The following HYDIN variants were observed in gnomAD, a reference collection of about 807,000 sequenced individuals.
The protein encoded by HYDIN is axonemal central pair apparatus protein HYDIN.
Under a neutral mutation model 403.9 loss-of-function variants are expected in HYDIN, and 132 were observed. The ratio of observed to expected loss-of-function variants is 0.33; its 90% CI spans 0.28 to 0.38. The LOEUF (loss-of-function observed/expected upper bound fraction) is 0.38, where lower values mean the gene tolerates loss of function less well. Ranked by LOEUF, HYDIN falls within the 10% of genes least tolerant of loss-of-function variation. The probability of loss-of-function intolerance (pLI) is 1.00; values close to 1 mark genes in which losing one functional copy is unlikely to be tolerated. For synonymous variants in HYDIN, 1,202 were observed against 1,891.7 expected, an observed-to-expected ratio of 0.64 and a Z score of 9.46; for missense variants, 2,827 against 5,009.5, an observed-to-expected ratio of 0.56 and a Z score of 13.15.
chr16:70,850,253 C>G lies in HYDIN; in HGVS notation c.12651+195G>C, dbSNP rs191744131. Among the ~76,000 whole-genome samples the G allele has an allele frequency of 4.5e-3, 648 of 144,594 alleles. 8 individuals are homozygous for G. Among genetic ancestry groups the G allele is most frequent in the Middle Eastern group, 0.031 (9 of 288 alleles). 94.9% of individuals were successfully genotyped at this position (144,594 alleles called of 152,430 possible). On this transcript the variant is annotated intron_variant, in intron 74 of 85. Transcript: ENST00000393567. ...TCTCCCCACCATCTCTCCACCCCCC[C>G]CTGAAAATAAAATAAGAAAAGCATT...
rs892216663 is a variant in HYDIN at position 71,092,459 on chromosome 16, C to T, written c.1446+1358G>A. Among the ~76,000 whole-genome samples, 82 of 152,060 alleles carry T rather than the reference C, an allele frequency of 5.4e-4. No homozygotes were observed. In the East Asian group the frequency reaches 0.014, roughly 27 times the overall value. ...TATGTATTTTTGTATTTGTTTGTTA[C>T]AATATCTAGCACTACCTTAACTTCT... On this transcript the variant is annotated intron_variant, in intron 11 of 85. Coordinates refer to ENST00000393567, the MANE Select transcript of HYDIN (RefSeq NM_001270974.2).
Position 70,941,729 on chromosome 16 carries a change from C to G in HYDIN, c.6760G>C (p.Ala2254Pro). 1 of 1,594,410 alleles carries G rather than the reference C, an allele frequency of 6.3e-7. No individual in the cohort carries two copies. Among genetic ancestry groups the G allele is most frequent in the Non-Finnish European group, 8.5e-7 (1 of 1,171,430 alleles). ...AAAALLCLLK[A>P]IGSREHIYIL... ...TATATATGCTCCCGGCTGCCAATGG[C>G]CTTCAGCAGGCAGAGGAGGGCGGCT... is the stretch of plus-strand genomic sequence containing the variant. Residue 2254 changes from alanine (A) to proline (P), a missense_variant, in exon 43 of 86, where the codon GCC (alanine) becomes CCC (proline). Transcript: ENST00000393567.
intron 59 of HYDIN, 38 bp from the exon 60 acceptor site, chr16:70,882,933 T>C (rs1173952803): frequency 2.0e-6 from 3 of 1,483,130 alleles, no homozygotes; most frequent in East Asian, 4.5e-5. Context: ...TGCTGCCTGA[T>C]TGCTGGATTC....
At chr16:71,047,366 A>T (rs955909904) in intron 18 of HYDIN, among the ~76,000 whole-genome samples, 1 of 152,094 alleles carries the variant, frequency 6.6e-6, no homozygotes, top group African/African-American at 2.4e-5. Context: ...GTTTATAATC[A>T]ATATAAACTG....
chr16:71,141,867 G>A (rs1042651224), intron 7 of HYDIN, among the ~76,000 whole-genome samples: 1 of 152,100 alleles, frequency 6.6e-6, no homozygotes, highest in East Asian at 1.9e-4. Context: ...GTACGAAGCT[G>A]CTCAATGCAA....
intron 53 of HYDIN, among the ~76,000 whole-genome samples, chr16:70,897,515 C>G (rs999330504): frequency 2.0e-5 from 3 of 151,012 alleles, no homozygotes; most frequent in African/African-American, 7.4e-5. Flanking sequence ...TGCTTGCCCT[C>G]TGACAGATGA....
At chr16:70,825,610 A>G (rs1460386885) in intron 83 of HYDIN, among the ~76,000 whole-genome samples, 1 of 138,288 alleles carries the variant, frequency 7.2e-6, no homozygotes, top group East Asian at 2.0e-4. Flanking sequence ...GGTTTGTAGT[A>G]TATTCACAAG....
At chr16:70,996,382 G>C (rs959531596) in intron 23 of HYDIN, among the ~76,000 whole-genome samples, 39 of 152,314 alleles carry the variant, frequency 2.6e-4, no homozygotes, top group Middle Eastern at 3.4e-3. Context: ...AGCCACAGGA[G>C]TGGCTGTGCT....
intron 23 of HYDIN, among the ~76,000 whole-genome samples, chr16:71,016,871 G>A (rs2080276189): frequency 6.6e-6 from 1 of 152,120 alleles, no homozygotes; most frequent in Non-Finnish European, 1.5e-5. Context: ...CCAGTCACGG[G>A]AAGATACTGC....
intron 23 of HYDIN, among the ~76,000 whole-genome samples, chr16:70,997,992 C>T (rs2079584135): frequency 6.6e-6 from 1 of 152,052 alleles, no homozygotes; most frequent in African/African-American, 2.4e-5. Context: ...TTCTTCAGGC[C>T]TTGCATCTGG....
chr16:71,173,989 T>C (rs1177391718), intron 5 of HYDIN, among the ~76,000 whole-genome samples: 1 of 152,188 alleles, frequency 6.6e-6, no homozygotes, highest in Non-Finnish European at 1.5e-5. Context: ...TGTAGGAATC[T>C]CACACCCACA....
rs1042487688 is a variant in HYDIN, at chr16:70,803,022, C to A, written c.*4558G>T. ...TGGGAATGATTTGGTTCTATTTCTC[C>A]AATGTGTGTGCATTTCCACGGGACG... is the stretch of plus-strand genomic sequence containing the variant. On this transcript the variant is annotated 3_prime_UTR_variant, in exon 86 of 86. Coordinates refer to ENST00000393567, the MANE Select transcript of HYDIN (RefSeq NM_001270974.2). 3.3e-5 allele frequency among the ~76,000 whole-genome samples: 5 copies of A among 152,168 alleles called. No individual in the cohort carries two copies. Among genetic ancestry groups the A allele is most frequent in the Non-Finnish European group, 7.3e-5 (5 of 68,034 alleles).
At position 71,002,211 on chromosome 16, in the gene HYDIN, G is replaced by A. The variant is rs576700640; in HGVS notation, c.3645-10001C>T. On this transcript the variant is annotated intron_variant, in intron 23 of 85. Transcript: ENST00000393567. ...TTCTCAAATTCAACATAGAGATTAC[G>A]GATAGTTTCACTATGATTTTGTGCT... is the stretch of plus-strand genomic sequence containing the variant. Among the ~76,000 whole-genome samples, 16 of 152,198 alleles carry A rather than the reference G, an allele frequency of 1.1e-4. No homozygotes were observed. In the South Asian group the frequency reaches 1.2e-3, roughly 12 times the overall value.
At chr16:70,939,306 T>C (rs1356006394) in intron 43 of HYDIN, among the ~76,000 whole-genome samples, 1 of 152,254 alleles carries the variant, frequency 6.6e-6, no homozygotes, top group East Asian at 1.9e-4. Context: ...CAGGCATCCC[T>C]CAGCAGTCAT....
At chr16:71,210,248 T>C (rs1212964703) in intron 1 of HYDIN, among the ~76,000 whole-genome samples, 3 of 152,170 alleles carry the variant, frequency 2.0e-5, no homozygotes, top group Non-Finnish European at 4.4e-5. Context: ...AGCAAAGACA[T>C]GGATCAACCT....
At chr16:71,187,448 A>C (rs565547012) in intron 1 of HYDIN, among the ~76,000 whole-genome samples, 1 of 152,264 alleles carries the variant, frequency 6.6e-6, no homozygotes, top group South Asian at 2.1e-4. Context: ...AATATCTCTG[A>C]ATCAAAGAAA....
Position 71,088,432 on chromosome 16 carries a change from C to T in HYDIN, c.1539G>A (p.Lys513=). Residue 513 remains lysine, a synonymous_variant, in exon 12 of 86, where the codon AAG becomes AAA. Coordinates refer to ENST00000393567, the MANE Select transcript of HYDIN (RefSeq NM_001270974.2). ...ALGACFVFSP[K]EGIIEPSGVQ... is the part of the protein sequence containing the mutation. ...CTCCACTTGGTTCAATGATGCCTTC[C>T]TTGGGACTGAAAACAAAGCAGGCCC... The T allele has an allele frequency of 5.3e-6, 3 of 568,932 alleles. No individual in the cohort carries two copies. The highest frequency in any genetic ancestry group is 6.3e-6 in the Non-Finnish European group (2 of 318,568). The allele number at this position is 568,932 out of a possible 1,614,324, so 35.2% of individuals were successfully genotyped here.
intron 5 of HYDIN, among the ~76,000 whole-genome samples, chr16:71,175,017 G>T (rs778218755): frequency 3.3e-5 from 5 of 151,684 alleles, no homozygotes; most frequent in African/African-American, 9.7e-5. Flanking sequence ...CATTCCTCTC[G>T]TGACTACCAC....
intron 36 of HYDIN, among the ~76,000 whole-genome samples, chr16:70,966,724 T>C (rs1597433836): frequency 1.3e-5 from 2 of 152,008 alleles, no homozygotes; most frequent in East Asian, 1.9e-4. Flanking sequence ...AAGTCACAGA[T>C]AAATGGTTAC....
Sources: gnomAD v4.1 joint callset for allele counts (sites outside exome capture counted in the v4.1 genomes callset) on GRCh38, gnomAD v4.1.1 for gene constraint, MANE v1.5 for transcripts, NCBI Gene and HGNC (gene_info 2026-07-23, HGNC 2026-07-21) for gene names.